KLC4: variants seen among roughly 807,000 people sequenced by gnomAD.
The protein encoded by KLC4 is kinesin light chain 4.
In KLC4, 49 loss-of-function variants were observed where a neutral mutation model predicts 77.2. The observed-to-expected ratio is 0.63, with a 90% CI of 0.50 to 0.80. The LOEUF is 0.80. KLC4 is among the 30% of genes least tolerant of loss of function. The pLI is 0.00. For synonymous variants in KLC4, 274 were observed against 314.5 expected, an observed-to-expected ratio of 0.87 and a Z score of 1.36; for missense variants, 669 against 793.5, an observed-to-expected ratio of 0.84 and a Z score of 1.89.
intron 1 of KLC4, chr6:43,060,431 T>G: frequency 6.9e-7 from 1 of 1,445,938 alleles, no homozygotes; most frequent in Non-Finnish European, 9.1e-7. Context: ...GTGTTTGTCC[T>G]GGGTGGGGCT....
rs568746825 is a variant in KLC4, at chr6:43,074,256, C to T, written c.1809+291C>T. Reference sequence around the variant, plus strand: ...ATAATTTAAGAATTATTTGGAGATACGAATTATTTTTTCATCCTGCAGCCG... The same window carrying T: ...ATAATTTAAGAATTATTTGGAGATATGAATTATTTTTTCATCCTGCAGCCG... On this transcript the variant is annotated intron_variant, in intron 15 of 15. Transcript: ENST00000347162. The T allele has an allele frequency of 1.1e-4, 48 of 451,280 alleles. No homozygotes were observed. The South Asian group carries it at 1.8e-3, about 17-fold the overall frequency. 28.0% of individuals were successfully genotyped at this position (451,280 alleles called of 1,614,324 possible). A position where few individuals can be genotyped will look rare whatever the true frequency, so the allele number is the denominator to read the frequency against.
In KLC4 at chr6:43,072,131, C is replaced by T; in HGVS notation, c.1380-16C>T. The T allele has an allele frequency of 6.3e-7, 1 of 1,599,264 alleles. No individual in the cohort carries two copies. The highest frequency in any genetic ancestry group is 8.6e-7 in the Non-Finnish European group (1 of 1,166,918). ...ACTCATTCTCTCTTCCTTCTCTGGTCTCTTTCTCACCACAGCCCCACAGTG... is the reference window on the plus strand; with the variant it reads ...ACTCATTCTCTCTTCCTTCTCTGGTTTCTTTCTCACCACAGCCCCACAGTG... On this transcript the variant is annotated splice_polypyrimidine_tract_variant and intron_variant, in intron 11 of 15. Transcript: ENST00000347162.
intron 6 of KLC4, among the ~76,000 whole-genome samples, chr6:43,068,091 G>A (rs1373446956): frequency 5.8e-5 from 4 of 69,544 alleles, no homozygotes; most frequent in Non-Finnish European, 8.8e-5. Context: ...CAGCCTGGGC[G>A]ACAGAGCGAG....
chr6:43,070,925 G>GGGGGC, intron 8 of KLC4, 60 bp downstream of exon 8: 1 of 291,976 alleles, frequency 3.4e-6, no homozygotes. Flanking sequence ...GAGGTGGGGG[G>GGGGGC]AGGGGGGGCA....
intron 3 of KLC4, among the ~76,000 whole-genome samples, chr6:43,064,301 T>A (rs544080737): frequency 6.6e-6 from 1 of 152,322 alleles, no homozygotes; most frequent in Non-Finnish European, 1.5e-5. Context: ...TGGAATGGTC[T>A]AAGAAGAATT....
At chr6:43,067,851 G>A (rs1487243655) in intron 6 of KLC4, among the ~76,000 whole-genome samples, 2 of 93,198 alleles carry the variant, frequency 2.1e-5, no homozygotes, top group African/African-American at 1.5e-4. Flanking sequence ...GGTGGCTCAC[G>A]CCTGTAATCC....
At chr6:43,069,089 T>TG (rs573461486) in intron 6 of KLC4, among the ~76,000 whole-genome samples, 167 of 152,044 alleles carry the variant, frequency 1.1e-3, no homozygotes, top group African/African-American at 3.8e-3. Context: ...ACCTGGGTGA[T>TG]GGGGTGAGAC....
chr6:43,073,004 C>CCTG, intron 13 of KLC4, 40 bp downstream of exon 13: 1 of 1,548,018 alleles, frequency 6.5e-7, no homozygotes, highest in Non-Finnish European at 8.7e-7. Context: ...CCTGCCCACT[C>CCTG]CTGCTGGTGG....
chr6:43,060,721 AC>A, intron 1 of KLC4: 1 of 740,854 alleles, frequency 1.3e-6, no homozygotes, highest in Non-Finnish European at 1.7e-6. Flanking sequence ...TGCAGGGCTG[AC>A]CAGGTTTGGA....
intron 7 of KLC4, 72 bp downstream of exon 7, chr6:43,070,527 C>T (rs1045095074): frequency 7.2e-7 from 1 of 1,397,290 alleles, no homozygotes; most frequent in Non-Finnish European, 1.0e-6. Flanking sequence ...TGGTCTAACC[C>T]TCCTCCTTCA....
At chr6:43,060,176 C>G in intron 1 of KLC4, 1 of 1,613,190 alleles carries the variant, frequency 6.2e-7, no homozygotes, top group Non-Finnish European at 8.5e-7. Flanking sequence ...CCTCTCAGAG[C>G]CTGTTTGTAG....
intron 3 of KLC4, 51 bp from the exon 4 acceptor site, chr6:43,065,569 G>C: frequency 8.0e-7 from 1 of 1,253,626 alleles, no homozygotes; most frequent in South Asian, 1.2e-5. Flanking sequence ...CACTGAGAAG[G>C]CTACTAGGTA....
chr6:43,067,457 G>A, intron 6 of KLC4: 1 of 235,742 alleles, frequency 4.2e-6, no homozygotes, highest in Non-Finnish European at 8.0e-6. Flanking sequence ...CAAAACAACA[G>A]TAGTTGTATT....
At chr6:43,074,528 A>T in intron 15 of KLC4, 94 bp from the exon 16 acceptor site, 1 of 1,050,384 alleles carries the variant, frequency 9.5e-7, no homozygotes, top group Non-Finnish European at 1.5e-6. Flanking sequence ...CTAGGTCCAG[A>T]GATACACTGT....
At chr6:43,062,004 G>A (rs1321733209) in intron 2 of KLC4, among the ~76,000 whole-genome samples, 3 of 152,154 alleles carry the variant, frequency 2.0e-5, no homozygotes, top group Admixed American at 6.5e-5. Context: ...TGGCAAAGAC[G>A]TGAAGTTGAG....
chr6:43,059,845 AGACAGATAGACAGAC>A, intron 1 of KLC4, 160 bp downstream of exon 1: 11 of 1,166,524 alleles, frequency 9.4e-6, no homozygotes, highest in Non-Finnish European at 1.2e-5. Flanking sequence ...CTCGGCGTCC[AGACAGATAGACAGAC>A]GACCTGCCCC....
chr6:43,071,752 A>C, intron 10 of KLC4, 100 bp from the exon 11 acceptor site: 1 of 1,469,796 alleles, frequency 6.8e-7, no homozygotes, highest in Admixed American at 1.9e-5. Flanking sequence ...TCCCCAGCCC[A>C]GCCTGCACCC....
At chr6:43,074,141 A>G (rs1488622203) in intron 15 of KLC4, among the ~76,000 whole-genome samples, 176 bp downstream of exon 15, 1 of 152,218 alleles carries the variant, frequency 6.6e-6, no homozygotes, top group East Asian at 1.9e-4. Flanking sequence ...GCTGACCACC[A>G]AGGGACAGTT....
chr6:43,060,567 G>A, intron 1 of KLC4: 2 of 1,230,932 alleles, frequency 1.6e-6, no homozygotes, highest in South Asian at 1.5e-5. Context: ...CCGTGCTCTG[G>A]CCTGAGTGCC....
Sources: gnomAD v4.1 joint callset for allele counts (sites outside exome capture counted in the v4.1 genomes callset) on GRCh38, gnomAD v4.1.1 for gene constraint, MANE v1.5 for transcripts, NCBI Gene and HGNC (gene_info 2026-07-23, HGNC 2026-07-21) for gene names.